Variants in WASF2 observed in about 807,000 individuals in gnomAD.
The protein encoded by WASF2 is actin-binding protein WASF2.
A neutral mutation model predicts 45.0 loss-of-function variants in WASF2; 14 were observed. The ratio of observed to expected loss-of-function variants is 0.31; its 90% CI spans 0.21 to 0.49. The LOEUF is 0.49. WASF2 is among the 20% of genes least tolerant of loss of function. The probability of loss-of-function intolerance (pLI) is 0.99; values close to 1 mark genes in which losing one functional copy is unlikely to be tolerated. For missense variants in WASF2, 439 were observed against 636.1 expected, an observed-to-expected ratio of 0.69 and a Z score of 3.33; for synonymous variants, 200 against 236.3, an observed-to-expected ratio of 0.85 and a Z score of 1.41.
intron 5 of WASF2, among the ~76,000 whole-genome samples, chr1:27,415,452 C>T (rs1182360540): frequency 6.6e-6 from 1 of 152,196 alleles, no homozygotes; most frequent in African/African-American, 2.4e-5. Flanking sequence ...CTCCTGGCAG[C>T]CATGCTAATG....
rs1159844472 is a variant in WASF2 at position 27,480,924 on chromosome 1, A to C, written c.-44+9062T>G. 3.3e-5 allele frequency among the ~76,000 whole-genome samples: 5 copies of C among 151,464 alleles called. No homozygotes were observed. The South Asian group carries it at 8.4e-4, about 25-fold the overall frequency. On this transcript the variant is annotated intron_variant, in intron 1 of 8. Coordinates refer to ENST00000618852, the MANE Select transcript of WASF2 (RefSeq NM_006990.5). ...CTCCCAGCTCCTCCCTGTAGTCCCA[A>C]TTACTCGGGAGGCTGAGGCAGGAGA...
intron 2 of WASF2, among the ~76,000 whole-genome samples, chr1:27,426,835 A>G (rs994451395): frequency 2.6e-5 from 4 of 151,952 alleles, no homozygotes; most frequent in African/African-American, 9.7e-5. Flanking sequence ...TCTGAGCCTT[A>G]TTTTCTTTAT....
At chr1:27,431,799 T>A (rs1314306546) in intron 1 of WASF2, among the ~76,000 whole-genome samples, 1 of 152,176 alleles carries the variant, frequency 6.6e-6, no homozygotes, top group African/African-American at 2.4e-5. Context: ...AACAACTAAC[T>A]GTATGTCATC....
In WASF2 at chr1:27,487,658, A is replaced by T. The variant is rs867218115; in HGVS notation, c.-44+2328T>A. 4.1e-3 allele frequency among the ~76,000 whole-genome samples: 398 copies of T among 96,548 alleles called. 1 individual carries two copies. The highest frequency in any genetic ancestry group is 7.3e-3 in the Admixed American group (46 of 6,276). 63.3% of individuals were successfully genotyped at this position (96,548 alleles called of 152,430 possible). ...TATAATATATATTATATATTATATA[A>T]TATATATTATATATATTTTATATAA... On this transcript the variant is annotated intron_variant, in intron 1 of 8. Coordinates refer to ENST00000618852, the MANE Select transcript of WASF2 (RefSeq NM_006990.5).
chr1:27,469,563 A>G (rs1184124662), intron 1 of WASF2, among the ~76,000 whole-genome samples: 1 of 152,204 alleles, frequency 6.6e-6, no homozygotes, highest in Non-Finnish European at 1.5e-5. Context: ...GAAGATGCAC[A>G]GAAATACAAG....
At chr1:27,454,175 ATATATATATATATTTTTTTTTTTT>A (rs2017430769) in intron 1 of WASF2, among the ~76,000 whole-genome samples, 1 of 33,970 alleles carries the variant, frequency 2.9e-5, no homozygotes, top group African/African-American at 1.3e-4. Flanking sequence ...ATATATATAT[ATATATATATATATTTTTTTTTTTT>A]TTTTTTTTTT....
At chr1:27,443,919 T>A (rs1188302312) in intron 1 of WASF2, among the ~76,000 whole-genome samples, 1 of 152,058 alleles carries the variant, frequency 6.6e-6, no homozygotes, top group Non-Finnish European at 1.5e-5. Context: ...TAGCTGGGAT[T>A]ACAGGCACCC....
chr1:27,450,447 T>C (rs538525527), intron 1 of WASF2, among the ~76,000 whole-genome samples: 2 of 152,276 alleles, frequency 1.3e-5, no homozygotes, highest in East Asian at 3.9e-4. Context: ...AATACTTTTG[T>C]CCCACCCATC....
At chr1:27,470,701 A>C (rs1412724057) in intron 1 of WASF2, among the ~76,000 whole-genome samples, 1 of 152,130 alleles carries the variant, frequency 6.6e-6, no homozygotes, top group Non-Finnish European at 1.5e-5. Flanking sequence ...GATAAGCTGA[A>C]CCTTCTCATT....
chr1:27,409,617 ACCCATCC>A, intron 8 of WASF2, 68 bp downstream of exon 8: 1 of 1,387,668 alleles, frequency 7.2e-7, no homozygotes, highest in Non-Finnish European at 9.4e-7. Context: ...GGACCCCCTC[ACCCATCC>A]CCCAATCAGT....
At chr1:27,479,667 C>T (rs538596510) in intron 1 of WASF2, among the ~76,000 whole-genome samples, 6 of 152,164 alleles carry the variant, frequency 3.9e-5, no homozygotes, top group Admixed American at 3.9e-4. Context: ...GAGTTCAAGA[C>T]CAGCCTGGCC....
chr1:27,418,192 A>C, intron 4 of WASF2, 77 bp downstream of exon 4: 3 of 1,487,078 alleles, frequency 2.0e-6, no homozygotes, highest in Non-Finnish European at 2.7e-6. Flanking sequence ...TCTGATGGAA[A>C]CAACCGCTTC....
chr1:27,447,390 G>A (rs2474301), intron 1 of WASF2, among the ~76,000 whole-genome samples: 116,027 of 152,050 alleles, frequency 0.76, 47,198 homozygotes, highest in Non-Finnish European at 0.91. Context: ...GATTTTTCCC[G>A]TTCAGATCTT....
chr1:27,412,319 A>C (rs1201974714), intron 7 of WASF2, among the ~76,000 whole-genome samples: 1 of 152,020 alleles, frequency 6.6e-6, no homozygotes, highest in Non-Finnish European at 1.5e-5. Flanking sequence ...CGATCCTCCC[A>C]CCTCAGTCTC....
intron 3 of WASF2, 105 bp downstream of exon 3, chr1:27,418,849 T>C: frequency 7.2e-7 from 1 of 1,387,498 alleles, no homozygotes; most frequent in Non-Finnish European, 9.6e-7. Flanking sequence ...TATAGGTCTC[T>C]GTGATTTCTC....
intron 1 of WASF2, among the ~76,000 whole-genome samples, chr1:27,484,546 G>T (rs1176171741): frequency 6.6e-6 from 1 of 152,104 alleles, no homozygotes; most frequent in East Asian, 1.9e-4. Flanking sequence ...GGTGGTTCAT[G>T]CTTGTAATCC....
chr1:27,480,656 CTT>C (rs1296532918), intron 1 of WASF2, among the ~76,000 whole-genome samples: 2 of 152,168 alleles, frequency 1.3e-5, no homozygotes, highest in African/African-American at 4.8e-5. Flanking sequence ...ATGAACTGCT[CTT>C]GTTACTTTAC....
In WASF2 at chr1:27,410,344, T is replaced by C; in HGVS notation, c.825-138A>G. The stretch of plus-strand genomic sequence containing the variant: ...TTTCACTTAAACAGAAAGAAAAGCC[T>C]ACAGATGGTCATAACAGACCAATAA... On this transcript the variant is annotated intron_variant, in intron 7 of 8. Transcript: ENST00000618852. The surrounding 1 kb of genome is among the most constrained non-coding windows in gnomAD (Gnocchi z 4.2). 6.9e-7 allele frequency: 1 copy of C among 1,446,972 alleles called. No individual in the cohort carries two copies. The highest frequency in any genetic ancestry group is 9.1e-7 in the Non-Finnish European group (1 of 1,094,778). 89.6% of individuals were successfully genotyped at this position (1,446,972 alleles called of 1,614,324 possible).
chr1:27,428,660 A>G, intron 2 of WASF2, 101 bp downstream of exon 2: 1 of 1,580,564 alleles, frequency 6.3e-7, no homozygotes, highest in Non-Finnish European at 8.7e-7. Context: ...TACCTAGGGA[A>G]GGCAGATGGG....
Sources: allele counts gnomAD v4.1 joint callset (sites outside exome capture counted in the v4.1 genomes callset), GRCh38; gene constraint gnomAD v4.1.1; non-coding constraint Gnocchi (gnomAD v3.1); transcripts MANE v1.5; gene names NCBI Gene and HGNC (gene_info 2026-07-23, HGNC 2026-07-21).